The following MYCBP2 variants were observed in gnomAD, a reference collection of about 807,000 sequenced individuals.
MYCBP2 encodes the protein MYC binding protein 2.
In MYCBP2, 120 loss-of-function variants were observed where a neutral mutation model predicts 525.3. The ratio of observed to expected loss-of-function variants is 0.23; its 90% confidence interval spans 0.20 to 0.27. MYCBP2 has a LOEUF of 0.27. Among genes scored for constraint, MYCBP2 ranks in the 10% least tolerant of loss-of-function variants. The pLI, the probability that MYCBP2 is intolerant of heterozygous loss-of-function variation, is 1.00. For missense variants in MYCBP2, 4,149 were observed against 5,657.1 expected (o/e 0.73, Z 8.55); for synonymous variants, 1,894 against 1,955.8 (o/e 0.97, Z 0.83).
intron 49 of MYCBP2, among the ~76,000 whole-genome samples, chr13:77,143,538 A>G (rs556128784): frequency 3.3e-5 from 5 of 152,280 alleles, no homozygotes; most frequent in African/African-American, 1.2e-4. Context: ...CCTGGTTCTG[A>G]GGCTACCTGC....
intron 53 of MYCBP2, among the ~76,000 whole-genome samples, chr13:77,125,974 C>A (rs2051584540): frequency 6.6e-6 from 1 of 152,116 alleles, no homozygotes; most frequent in African/African-American, 2.4e-5. Context: ...GAAATGAAAC[C>A]TTTTGCATAT....
chr13:77,150,412 G>A (rs144091852), intron 47 of MYCBP2, among the ~76,000 whole-genome samples: 1 of 152,182 alleles, frequency 6.6e-6, no homozygotes, highest in South Asian at 2.1e-4. Context: ...AAAGCCCTGG[G>A]ATTATAGGTG....
intron 52 of MYCBP2, among the ~76,000 whole-genome samples, chr13:77,127,161 C>T (rs915559606): frequency 3.3e-5 from 5 of 151,894 alleles, no homozygotes; most frequent in African/African-American, 4.8e-5. Flanking sequence ...CAAATAAAAA[C>T]GTCTTGCTAG....
chr13:77,206,610 A>G, intron 24 of MYCBP2, 43 bp downstream of exon 24: 1 of 1,489,854 alleles, frequency 6.7e-7, no homozygotes. Flanking sequence ...CCTGGACAGC[A>G]CACATTAATG....
At chr13:77,259,776 T>C (rs138623147) in intron 13 of MYCBP2, among the ~76,000 whole-genome samples, 99 of 152,336 alleles carry the variant, frequency 6.5e-4, no homozygotes, top group African/African-American at 2.2e-3. Flanking sequence ...TTATCACACA[T>C]AAAATCCTTC....
At position 77,326,963 on chromosome 13, in the gene MYCBP2, C is replaced by T; in HGVS notation, c.-188G>A. ...TCTTCTCCTCCTCCCCCCCGCGCCGCCCTCGCCGCTACTGGGGCCGCTCAT... is the reference window on the plus strand; with the variant it reads ...TCTTCTCCTCCTCCCCCCCGCGCCGTCCTCGCCGCTACTGGGGCCGCTCAT... On this transcript the variant is annotated 5_prime_UTR_variant, in exon 1 of 83. Coordinates refer to ENST00000544440, the MANE Select transcript of MYCBP2 (RefSeq NM_015057.5). This position sits in a 1 kb window ranked among gnomAD's most constrained non-coding sequence, Gnocchi z 4.2. 1.9e-6 allele frequency: 1 copy of T among 516,472 alleles called. No individual in the cohort carries two copies. Among genetic ancestry groups the T allele is most frequent in the Non-Finnish European group, 3.1e-6 (1 of 323,380 alleles). The allele number at this position is 516,472 out of a possible 1,614,324, so 32.0% of individuals were successfully genotyped here.
intron 32 of MYCBP2, among the ~76,000 whole-genome samples, chr13:77,184,494 T>C (rs1275722926): frequency 6.6e-6 from 1 of 152,242 alleles, no homozygotes; most frequent in Non-Finnish European, 1.5e-5. Flanking sequence ...ATATCCTGTT[T>C]TGTAAATGTC....
chr13:77,292,954 G>A (rs1295327175), intron 2 of MYCBP2, among the ~76,000 whole-genome samples: 4 of 105,006 alleles, frequency 3.8e-5, no homozygotes, highest in South Asian at 3.4e-4. Context: ...GCAAGACTCC[G>A]TCTCAAAAAA....
chr13:77,169,658 G>C lies in MYCBP2; in HGVS notation c.5851C>G (p.Leu1951Val), dbSNP rs763420045. 1.2e-5 allele frequency: 19 copies of C among 1,614,018 alleles called. No homozygotes were observed. The highest frequency in any genetic ancestry group is 1.6e-5 in the Non-Finnish European group (19 of 1,179,984). Residue 1951 changes from leucine to valine, a missense_variant, in exon 39 of 83, where the codon CTT (leucine) becomes GTT (valine). This residue lies in a region of MYCBP2 where 692 missense variants were observed against 852.7 expected (regional missense o/e 0.81). Coordinates refer to ENST00000544440, the MANE Select transcript of MYCBP2 (RefSeq NM_015057.5). ...ACTGGTCCTATGTAGGCTATAATAA[G>C]GGGGAGCAGCATGGAAAACAGACTG... ...SSSLFSMLLP[L>V]IIAYIGPVAA... is the part of the protein sequence containing the mutation.
intron 1 of MYCBP2, among the ~76,000 whole-genome samples, chr13:77,306,391 G>A (rs2079419948): frequency 6.6e-6 from 1 of 152,188 alleles, no homozygotes; most frequent in Admixed American, 6.5e-5. Flanking sequence ...ATAAGAAAGA[G>A]ATTTTAACAG....
chr13:77,287,320 G>A (rs2076975364), intron 3 of MYCBP2, among the ~76,000 whole-genome samples: 1 of 151,850 alleles, frequency 6.6e-6, no homozygotes, highest in Non-Finnish European at 1.5e-5. Context: ...GAGTAGCTGG[G>A]ATTATAGGCG....
At chr13:77,211,111 A>G (rs2063949348) in intron 23 of MYCBP2, 56 bp downstream of exon 23, 3 of 1,301,890 alleles carry the variant, frequency 2.3e-6, no homozygotes, top group Non-Finnish European at 3.0e-6. Context: ...TTATATTACC[A>G]TAAGAGTATA....
At chr13:77,066,485 A>C (rs2040223565) in intron 71 of MYCBP2, among the ~76,000 whole-genome samples, 1 of 152,368 alleles carries the variant, frequency 6.6e-6, no homozygotes, top group African/African-American at 2.4e-5. Flanking sequence ...GAAGTGATAC[A>C]ATGATTAACA....
At chr13:77,283,667 C>T (rs936489996) in intron 3 of MYCBP2, among the ~76,000 whole-genome samples, 11 of 152,234 alleles carry the variant, frequency 7.2e-5, no homozygotes, top group African/African-American at 1.9e-4. Context: ...AAGGCTGAGG[C>T]GGTCAGACTG....
chr13:77,249,292 G>A (rs923387904), intron 15 of MYCBP2, among the ~76,000 whole-genome samples: 2 of 152,172 alleles, frequency 1.3e-5, no homozygotes, highest in Non-Finnish European at 2.9e-5. Flanking sequence ...ATCATAATAA[G>A]ATATGTAGTC....
At chr13:77,213,295 T>A (rs2064299006) in intron 21 of MYCBP2, among the ~76,000 whole-genome samples, 3 of 152,090 alleles carry the variant, frequency 2.0e-5, no homozygotes, top group Admixed American at 2.0e-4. Context: ...GCCAACATGG[T>A]GAAACCTCGT....
At position 77,166,417 on chromosome 13, in the gene MYCBP2, T is replaced by A. The variant is rs1417073211; in HGVS notation, c.6252A>T (p.Thr2084=). ...VQNSGYGPKL[T]SVHENLNSWI... is the part of the protein sequence containing the mutation. ...ATGAATTAAGATTTTCATGAACAGA[T>A]GTCAATTTTGGTCCATATCCTGAAT... Residue 2084 remains threonine, a synonymous_variant, in exon 41 of 83, where the codon ACA becomes ACT. Transcript: ENST00000544440. 1 of 1,614,040 alleles carries A rather than the reference T, an allele frequency of 6.2e-7. No individual in the cohort carries two copies. The highest frequency in any genetic ancestry group is 2.2e-5 in the East Asian group (1 of 44,876).
chr13:77,242,564 C>A (rs2069043300), intron 17 of MYCBP2, among the ~76,000 whole-genome samples: 1 of 152,140 alleles, frequency 6.6e-6, no homozygotes, highest in Non-Finnish European at 1.5e-5. Flanking sequence ...CAAAAAAGGA[C>A]ACATGAAAGC....
At chr13:77,106,838 T>G (rs936887407) in intron 55 of MYCBP2, among the ~76,000 whole-genome samples, 2 of 152,086 alleles carry the variant, frequency 1.3e-5, no homozygotes, top group African/African-American at 4.8e-5. Flanking sequence ...GTAAACATAA[T>G]TTTGTCACCC....
Sources: gnomAD v4.1 joint callset for allele counts (sites outside exome capture counted in the v4.1 genomes callset) on GRCh38, gnomAD v4.1.1 for gene constraint, gnomAD v4.1.1 regional missense constraint, Gnocchi (gnomAD v3.1) non-coding constraint, MANE v1.5 for transcripts, NCBI Gene and HGNC (gene_info 2026-07-23, HGNC 2026-07-21) for gene names.